The following TANK variants were observed in gnomAD, a reference collection of about 807,000 sequenced individuals.
TANK encodes TRAF family member-associated NF-kappa-B activator.
A neutral mutation model predicts 43.6 loss-of-function variants in TANK; 15 were observed. The observed-to-expected ratio is 0.34, with a 90% CI of 0.23 to 0.53. The LOEUF is 0.53. Ranked by LOEUF, TANK falls within the 20% of genes least tolerant of loss-of-function variation. The pLI is 0.94. For missense variants in TANK, 417 were observed against 498.6 expected (o/e 0.84, Z 1.56); for synonymous variants, 162 against 178.2 (o/e 0.91, Z 0.73).
chr2:161,213,934 T>C (rs1687011457), intron 4 of TANK, among the ~76,000 whole-genome samples: 1 of 152,212 alleles, frequency 6.6e-6, no homozygotes, highest in Non-Finnish European at 1.5e-5. Context: ...GTATGTCTTT[T>C]ACTAATGTAT....
chr2:161,195,953 C>T (rs1351240800), intron 2 of TANK, among the ~76,000 whole-genome samples: 1 of 152,008 alleles, frequency 6.6e-6, no homozygotes, highest in Non-Finnish European at 1.5e-5. Flanking sequence ...GGCGTGATGG[C>T]GGGCACCTGT....
chr2:161,140,399 T>C (rs538964410), intron 1 of TANK, among the ~76,000 whole-genome samples: 2 of 152,256 alleles, frequency 1.3e-5, no homozygotes, highest in Non-Finnish European at 2.9e-5. Flanking sequence ...TACATGGTAT[T>C]CCCTTGAACT....
At chr2:161,152,115 G>A (rs1272719897) in intron 1 of TANK, among the ~76,000 whole-genome samples, 1 of 152,072 alleles carries the variant, frequency 6.6e-6, no homozygotes, top group African/African-American at 2.4e-5. Context: ...TTTATAAGTT[G>A]TGTGCCAGAT....
intron 2 of TANK, among the ~76,000 whole-genome samples, chr2:161,186,514 C>T (rs920333436): frequency 2.0e-5 from 3 of 152,142 alleles, no homozygotes; most frequent in East Asian, 1.9e-4. Context: ...AGTAGACCCT[C>T]ATTTCTCACC....
At chr2:161,186,595 A>G (rs755028834) in intron 2 of TANK, among the ~76,000 whole-genome samples, 12 of 152,220 alleles carry the variant, frequency 7.9e-5, no homozygotes, top group Non-Finnish European at 1.8e-4. Context: ...CTACTAGAAG[A>G]AAACATTGGG....
At chr2:161,158,612 T>G (rs144084269), upstream of TANK, among the ~76,000 whole-genome samples, 1 of 152,350 alleles carries the variant, frequency 6.6e-6, no homozygotes, top group East Asian at 1.9e-4. Context: ...GCATTCAGCT[T>G]TAGACTCTGA....
chr2:161,218,340 T>C (rs1259363593), intron 4 of TANK, among the ~76,000 whole-genome samples: 1 of 152,200 alleles, frequency 6.6e-6, no homozygotes, highest in Admixed American at 6.5e-5. Context: ...AACCATTCTT[T>C]ATCTCCAACC....
At chr2:161,185,450 A>C (rs1196063683) in intron 2 of TANK, among the ~76,000 whole-genome samples, 1 of 151,998 alleles carries the variant, frequency 6.6e-6, no homozygotes, top group Non-Finnish European at 1.5e-5. Flanking sequence ...GCAGAAGATA[A>C]ATAGAGTGAT....
chr2:161,231,468 A>C lies in TANK; in HGVS notation c.1018A>C (p.Asn340His), dbSNP rs1687905671. ...PPGDHNALYV[N>H]SFPLLDPSDA... ...TGGAGACCATAATGCATTATATGTA[A>C]ATAGCTTCCCACTTCTGGACCCATC... is the stretch of plus-strand genomic sequence containing the variant. The change falls in exon 7 of 8, where the codon AAT becomes CAT. Residue 340 changes from asparagine to histidine, a missense_variant. Asn to His is a moderately conservative substitution (Grantham distance 68, BLOSUM62 1). Coordinates refer to ENST00000392749, the MANE Select transcript of TANK (RefSeq NM_001199135.3). 6.2e-7 allele frequency: 1 copy of C among 1,614,064 alleles called. No homozygotes were observed. Among genetic ancestry groups the C allele is most frequent in the Non-Finnish European group, 8.5e-7 (1 of 1,180,008 alleles).
chr2:161,185,613 C>CA lies in TANK; in HGVS notation c.99+5858dup, dbSNP rs1461264814. Among the ~76,000 whole-genome samples the CA allele has an allele frequency of 5.5e-5, 8 of 146,476 alleles. No homozygotes were observed. The East Asian group carries it at 1.6e-3, about 30-fold the overall frequency. On this transcript the variant is annotated intron_variant, in intron 2 of 7. Transcript: ENST00000392749. Reference sequence around the variant, plus strand: ...CATTCTCAGTAAACTATTGCAAGAACAAAAAACCAAACACCGCATATTCTC... The same window carrying CA: ...CATTCTCAGTAAACTATTGCAAGAACAAAAAAACCAAACACCGCATATTCTC...
intron 2 of TANK, among the ~76,000 whole-genome samples, chr2:161,196,992 G>A (rs1052504263): frequency 2.0e-5 from 3 of 152,044 alleles, no homozygotes; most frequent in South Asian, 2.1e-4. Context: ...ATTTGGTTGC[G>A]GAATAGTTCT....
chr2:161,199,496 A>G (rs1381668119), intron 2 of TANK, among the ~76,000 whole-genome samples: 1 of 152,170 alleles, frequency 6.6e-6, no homozygotes, highest in Non-Finnish European at 1.5e-5. Flanking sequence ...ATGGAACTCT[A>G]TTTTAATATT....
intron 4 of TANK, among the ~76,000 whole-genome samples, chr2:161,215,421 G>A (rs748977942): frequency 2.0e-5 from 3 of 151,848 alleles, no homozygotes; most frequent in Non-Finnish European, 2.9e-5. Context: ...ACTTTAAATC[G>A]TGATGCTTGT....
chr2:161,215,906 A>G (rs555101809), intron 4 of TANK, among the ~76,000 whole-genome samples: 1 of 152,252 alleles, frequency 6.6e-6, no homozygotes, highest in Admixed American at 6.5e-5. Flanking sequence ...CTATATACTT[A>G]TGCTCTAAGC....
intron 1 of TANK, among the ~76,000 whole-genome samples, chr2:161,164,928 T>C (rs937826771): frequency 4.6e-5 from 7 of 152,106 alleles, no homozygotes; most frequent in African/African-American, 1.7e-4. Context: ...GGACAGTAAC[T>C]TTTTACCTTC....
upstream of TANK, among the ~76,000 whole-genome samples, chr2:161,158,971 A>G (rs1684296394): frequency 6.6e-6 from 1 of 152,224 alleles, no homozygotes; most frequent in Non-Finnish European, 1.5e-5. Flanking sequence ...TCATCAGGGA[A>G]ATGCAAATTA....
At chr2:161,201,602 T>G (rs954704389) in intron 2 of TANK, among the ~76,000 whole-genome samples, 3 of 152,170 alleles carry the variant, frequency 2.0e-5, no homozygotes, top group African/African-American at 7.2e-5. Flanking sequence ...GAACTTTGAG[T>G]TCTTGGAGAA....
intron 2 of TANK, among the ~76,000 whole-genome samples, chr2:161,202,329 A>G (rs1686456218): frequency 6.6e-6 from 1 of 151,404 alleles, no homozygotes; most frequent in Non-Finnish European, 1.5e-5. Flanking sequence ...AGCTGGGACT[A>G]CAGGTGCCTG....
At chr2:161,161,470 A>G in intron 1 of TANK, 3 of 1,544,426 alleles carry the variant, frequency 1.9e-6, no homozygotes, top group Non-Finnish European at 2.6e-6. Flanking sequence ...CATTTGAGAG[A>G]GGAGGGATCC....
Sources: allele counts gnomAD v4.1 joint callset (sites outside exome capture counted in the v4.1 genomes callset), GRCh38; gene constraint gnomAD v4.1.1; transcripts MANE v1.5; gene names NCBI Gene and HGNC (gene_info 2026-07-23, HGNC 2026-07-21).